FAF1: variants seen among roughly 807,000 people sequenced by gnomAD.
FAF1 encodes FAS-associated factor 1.
A neutral mutation model predicts 92.5 loss-of-function variants in FAF1; 25 were observed. The observed-to-expected ratio is 0.27, with a 90% CI of 0.20 to 0.38. FAF1 has a LOEUF of 0.38. Among genes scored for constraint, FAF1 ranks in the 10% least tolerant of loss-of-function variants. FAF1 has a pLI of 1.00. For missense variants in FAF1, 636 were observed against 793.3 expected, an observed-to-expected ratio of 0.80 and a Z score of 2.38; for synonymous variants, 234 against 273.2, an observed-to-expected ratio of 0.86 and a Z score of 1.42.
chr1:50,497,271 T>C (rs571984171), intron 15 of FAF1, among the ~76,000 whole-genome samples: 1 of 151,670 alleles, frequency 6.6e-6, no homozygotes, highest in East Asian at 1.9e-4. Flanking sequence ...CTGAAAGAAA[T>C]AAAACAAAAA....
At chr1:50,926,814 C>T (rs907841491) in intron 1 of FAF1, among the ~76,000 whole-genome samples, 6 of 152,174 alleles carry the variant, frequency 3.9e-5, no homozygotes, top group African/African-American at 1.4e-4. Flanking sequence ...ACATATTTAT[C>T]CACCCATGTT....
intron 2 of FAF1, among the ~76,000 whole-genome samples, chr1:50,809,265 CTGAA>C (rs1224761676): frequency 6.6e-6 from 1 of 151,490 alleles, no homozygotes; most frequent in Admixed American, 6.6e-5. Flanking sequence ...AAAATCAAAG[CTGAA>C]ATGAAGGAAA....
At chr1:50,485,128 A>T (rs947962916) in intron 17 of FAF1, among the ~76,000 whole-genome samples, 2 of 151,610 alleles carry the variant, frequency 1.3e-5, no homozygotes, top group African/African-American at 4.8e-5. Flanking sequence ...TATTATTATT[A>T]TTATTTTTTT....
At chr1:50,912,606 T>A (rs1388285375) in intron 1 of FAF1, among the ~76,000 whole-genome samples, 1 of 152,210 alleles carries the variant, frequency 6.6e-6, no homozygotes, top group Non-Finnish European at 1.5e-5. Context: ...CCTACACAGA[T>A]GCTTGAATTG....
chr1:50,488,286 G>A (rs562328194), intron 17 of FAF1, among the ~76,000 whole-genome samples: 52 of 152,250 alleles, frequency 3.4e-4, no homozygotes, highest in African/African-American at 1.2e-3. Context: ...TGTTTATAGG[G>A]TCTTCTGTAA....
chr1:50,696,834 C>T (rs977356001), intron 7 of FAF1, among the ~76,000 whole-genome samples: 1 of 152,118 alleles, frequency 6.6e-6, no homozygotes, highest in African/African-American at 2.4e-5. Flanking sequence ...CTCCCTCCAC[C>T]CCCATGCATT....
At chr1:50,696,016 T>G (rs1657202247) in intron 7 of FAF1, among the ~76,000 whole-genome samples, 1 of 151,732 alleles carries the variant, frequency 6.6e-6, no homozygotes, top group Non-Finnish European at 1.5e-5. Flanking sequence ...CTATCAATAT[T>G]ATTTAAGATT....
intron 6 of FAF1, among the ~76,000 whole-genome samples, chr1:50,721,841 C>T (rs1478080077): frequency 6.6e-6 from 1 of 151,936 alleles, no homozygotes; most frequent in Non-Finnish European, 1.5e-5. Flanking sequence ...CCAGCCTGGT[C>T]TCAAACACCT....
intron 1 of FAF1, among the ~76,000 whole-genome samples, chr1:50,882,622 AAAT>A (rs1458653983): frequency 5.3e-5 from 8 of 150,766 alleles, no homozygotes; most frequent in African/African-American, 1.9e-4. Flanking sequence ...ATAAATAAAT[AAAT>A]AAATAAATAA....
intron 15 of FAF1, among the ~76,000 whole-genome samples, chr1:50,517,994 A>C (rs1647279329): frequency 6.6e-6 from 1 of 152,222 alleles, no homozygotes; most frequent in African/African-American, 2.4e-5. Flanking sequence ...AGTAAAATGG[A>C]TTATTTTTAA....
At chr1:50,447,280 C>T (rs376485762) in intron 18 of FAF1, among the ~76,000 whole-genome samples, 3 of 151,960 alleles carry the variant, frequency 2.0e-5, no homozygotes, top group African/African-American at 7.3e-5. Context: ...TGCCCGCCAC[C>T]ACGCCTGGCT....
chr1:50,611,827 C>A (rs1652699306), intron 8 of FAF1, among the ~76,000 whole-genome samples: 1 of 152,190 alleles, frequency 6.6e-6, no homozygotes, highest in African/African-American at 2.4e-5. Flanking sequence ...TCTCACCCCC[C>A]ACCAACCTCC....
chr1:50,956,487 A>T (rs1305697710), intron 1 of FAF1, among the ~76,000 whole-genome samples: 1 of 152,236 alleles, frequency 6.6e-6, no homozygotes, highest in African/African-American at 2.4e-5. Flanking sequence ...TCTTTCCTAC[A>T]AAGATAATAC....
intron 3 of FAF1, among the ~76,000 whole-genome samples, chr1:50,797,548 A>C (rs752690309): frequency 6.6e-6 from 1 of 152,056 alleles, no homozygotes; most frequent in Non-Finnish European, 1.5e-5. Flanking sequence ...AGAATACAAA[A>C]ATTAGCTAGG....
intron 2 of FAF1, among the ~76,000 whole-genome samples, chr1:50,828,629 A>T (rs1465316310): frequency 6.6e-6 from 1 of 152,182 alleles, no homozygotes; most frequent in Non-Finnish European, 1.5e-5. Flanking sequence ...AACAAAACAA[A>T]CTTCAGGCTC....
chr1:50,739,457 C>A (rs1432109688), intron 5 of FAF1, among the ~76,000 whole-genome samples: 1 of 151,918 alleles, frequency 6.6e-6, no homozygotes, highest in Non-Finnish European at 1.5e-5. Flanking sequence ...TACACACATA[C>A]ACATATATAA....
intron 8 of FAF1, among the ~76,000 whole-genome samples, chr1:50,643,784 G>A (rs1188533488): frequency 6.6e-6 from 1 of 152,050 alleles, no homozygotes; most frequent in African/African-American, 2.4e-5. Flanking sequence ...GTAGAGCTGG[G>A]GTTTCGCCAT....
chr1:50,498,145 A>AC (rs773677458), intron 15 of FAF1, among the ~76,000 whole-genome samples: 1 of 152,190 alleles, frequency 6.6e-6, no homozygotes, highest in East Asian at 1.9e-4. Flanking sequence ...GGGTGGCAAG[A>AC]CCATTCAATG....
At chr1:50,729,332 G>A (rs1209565935) in intron 6 of FAF1, among the ~76,000 whole-genome samples, 6 of 151,728 alleles carry the variant, frequency 4.0e-5, no homozygotes, top group African/African-American at 1.5e-4. Context: ...TGGGATTACA[G>A]GTGTGAGCCA....
Sources: allele counts gnomAD v4.1 joint callset (sites outside exome capture counted in the v4.1 genomes callset), GRCh38; gene constraint gnomAD v4.1.1; transcripts MANE v1.5; gene names NCBI Gene and HGNC (gene_info 2026-07-23, HGNC 2026-07-21).